The following LONP1 variants were observed in gnomAD, a reference collection of about 807,000 sequenced individuals.
LONP1 encodes lon protease homolog, mitochondrial.
Under a neutral mutation model 98.5 loss-of-function variants are expected in LONP1, and 31 were observed. The ratio of observed to expected loss-of-function variants is 0.31; its 90% CI spans 0.24 to 0.42. The LOEUF is 0.42. Among genes scored for constraint, LONP1 ranks in the 20% least tolerant of loss-of-function variants. The probability of loss-of-function intolerance (pLI) is 1.00; values close to 1 mark genes in which losing one functional copy is unlikely to be tolerated. For missense variants in LONP1, 1,336 were observed against 1,350.6 expected (o/e 0.99, Z 0.17); for synonymous variants, 781 against 594.7 (o/e 1.31, Z -4.56).
In LONP1 at chr19:5,691,976, T is replaced by TCAGTTCTGGCCCAGGCAGGGCCTGACATC; in HGVS notation, c.*55_*56insGATGTCAGGCCCTGCCTGGGCCAGAACTG. On this transcript the variant is annotated 3_prime_UTR_variant, in exon 18 of 18. Transcript: ENST00000360614. ...GGTCCGGGCGCGCTCCCCACAGCGCTCAGTTCTGGCCCAGACAGGGCCTGA... is the reference window on the plus strand; with the variant it reads ...GGTCCGGGCGCGCTCCCCACAGCGCTCAGTTCTGGCCCAGGCAGGGCCTGACATCCAGTTCTGGCCCAGACAGGGCCTGA... The TCAGTTCTGGCCCAGGCAGGGCCTGACATC allele has an allele frequency of 9.8e-6, 15 of 1,536,484 alleles. No homozygotes were observed. Among genetic ancestry groups the TCAGTTCTGGCCCAGGCAGGGCCTGACATC allele is most frequent in the Non-Finnish European group, 1.2e-5 (14 of 1,135,666 alleles).
intron 1 of LONP1, among the ~76,000 whole-genome samples, chr19:5,716,582 AAAAAAGTC>A (rs1253584057): frequency 3.3e-5 from 5 of 151,388 alleles, no homozygotes; most frequent in African/African-American, 1.2e-4. Flanking sequence ...TCCCAGAAAA[AAAAAAGTC>A]AGTAACATCT....
intron 13 of LONP1, 55 bp from the exon 14 acceptor site, chr19:5,694,956 TCTAGAAC>T: frequency 6.4e-7 from 1 of 1,557,640 alleles, no homozygotes. Context: ...ACCAGCTCAG[TCTAGAAC>T]CTGGGAGCCA....
rs998832788 is a variant in LONP1 at position 5,694,911 on chromosome 19, C to T, written c.2014-10G>A. ...GGGGCACCAGGTAGCGCTGCAAGGG[C>T]AACCGTCAGGGTTGGGTCTGGAGGG... is the stretch of plus-strand genomic sequence containing the variant. On this transcript the variant is annotated splice_polypyrimidine_tract_variant and intron_variant, in intron 13 of 17. Transcript: ENST00000360614. 8 of 1,589,270 alleles carry T rather than the reference C, an allele frequency of 5.0e-6. No individual in the cohort carries two copies. Among genetic ancestry groups the T allele is most frequent in the East Asian group, 2.3e-5 (1 of 44,132 alleles).
At chr19:5,701,442 T>C (rs1286565370) in intron 8 of LONP1, among the ~76,000 whole-genome samples, 1 of 152,188 alleles carries the variant, frequency 6.6e-6, no homozygotes, top group Non-Finnish European at 1.5e-5. Context: ...CTGGTTCTCC[T>C]GCCTGAGCCT....
Position 5,705,885 on chromosome 19 carries a change from C to T in LONP1, c.1254G>A (p.Glu418=). Reference sequence around the variant, plus strand: ...CCTTCAGGCGCTCCCGGAACTTCTCCTCGATGGCATCCTTGTCGTCCTTCT... The same window carrying T: ...CCTTCAGGCGCTCCCGGAACTTCTCTTCGATGGCATCCTTGTCGTCCTTCT... ...GLEKDDKDAI[E]EKFRERLKEL... The change falls in exon 8 of 18, where the codon GAG becomes GAA. Residue 418 remains glutamate (E), a synonymous_variant. Transcript: ENST00000360614. 1.9e-6 allele frequency: 3 copies of T among 1,614,170 alleles called. No homozygotes were observed. The highest frequency in any genetic ancestry group is 2.5e-6 in the Non-Finnish European group (3 of 1,180,024).
intron 4 of LONP1, chr19:5,708,668 G>A (rs1487298862): frequency 1.2e-5 from 5 of 417,754 alleles, no homozygotes; most frequent in African/African-American, 6.0e-5. Flanking sequence ...CTTAGGATAA[G>A]CTATCTCAGG....
chr19:5,700,765 C>T (rs767520903), intron 9 of LONP1, 24 bp downstream of exon 9: 4 of 1,613,646 alleles, frequency 2.5e-6, no homozygotes, highest in Non-Finnish European at 3.4e-6. Flanking sequence ...TGCAAATCCA[C>T]AACAGGCCAG....
At chr19:5,696,467 TGA>T in intron 11 of LONP1, 96 bp from the exon 12 acceptor site, 1 of 1,503,284 alleles carries the variant, frequency 6.7e-7, no homozygotes, top group African/African-American at 1.4e-5. Context: ...AGACCCCGAG[TGA>T]GAGCGGCACC....
intron 8 of LONP1, among the ~76,000 whole-genome samples, chr19:5,702,548 C>T (rs967320898): frequency 1.0e-4 from 15 of 150,596 alleles, no homozygotes; most frequent in African/African-American, 3.1e-4. Flanking sequence ...TCATTGAGAA[C>T]GGGCCATGAT....
chr19:5,714,607 G>A (rs1394308324), intron 1 of LONP1, among the ~76,000 whole-genome samples: 1 of 147,626 alleles, frequency 6.8e-6, no homozygotes, highest in East Asian at 2.0e-4. Flanking sequence ...ACGCAGCACA[G>A]GGTAGCTTTT....
chr19:5,709,621 T>A (rs2145618689), intron 4 of LONP1, among the ~76,000 whole-genome samples: 1 of 152,084 alleles, frequency 6.6e-6, no homozygotes, highest in South Asian at 2.1e-4. Flanking sequence ...GCTTTAAGAA[T>A]AAGTTCAGCT....
chr19:5,705,066 G>A (rs1476495222), intron 8 of LONP1, among the ~76,000 whole-genome samples: 1 of 152,150 alleles, frequency 6.6e-6, no homozygotes, highest in Non-Finnish European at 1.5e-5. Context: ...GGAAGTTGAG[G>A]CAGTAGAATC....
chr19:5,720,204 C>A, upstream of LONP1: 1 of 1,383,690 alleles, frequency 7.2e-7, no homozygotes. Context: ...TGACGCCCGG[C>A]GCGTGCCTCG....
intron 15 of LONP1, 38 bp from the exon 16 acceptor site, chr19:5,693,807 G>A (rs370809146): frequency 1.8e-5 from 29 of 1,573,288 alleles, no homozygotes; most frequent in African/African-American, 1.4e-4. Flanking sequence ...GGGAGGCCTC[G>A]GAGCCCAGGC....
intron 17 of LONP1, among the ~76,000 whole-genome samples, chr19:5,692,730 C>T (rs1443348159): frequency 6.6e-6 from 1 of 152,170 alleles, no homozygotes; most frequent in Admixed American, 6.5e-5. Flanking sequence ...TCCCAATTTG[C>T]CTCCACCATT....
chr19:5,694,955 G>C, intron 13 of LONP1, 54 bp from the exon 14 acceptor site: 1 of 1,558,748 alleles, frequency 6.4e-7, no homozygotes, highest in Non-Finnish European at 8.7e-7. Flanking sequence ...CACCAGCTCA[G>C]TCTAGAACCT....
In LONP1 at chr19:5,701,041, C is replaced by T. The variant is rs191894759; in HGVS notation, c.1368-114G>A. The T allele has an allele frequency of 3.9e-4, 459 of 1,174,064 alleles. 3 individuals carry two copies. In the African/African-American group the frequency reaches 5.7e-3, roughly 15 times the overall value. The allele number at this position is 1,174,064 out of a possible 1,614,324, so 72.7% of individuals were successfully genotyped here. On this transcript the variant is annotated intron_variant, in intron 8 of 17. Coordinates refer to ENST00000360614, the MANE Select transcript of LONP1 (RefSeq NM_004793.4). Reference sequence around the variant, plus strand: ...TGAAACCCATGTGTGGGGCTGAGCGCGGTGGCTCACGCCTGTAATCCCAGC... The same window carrying T: ...TGAAACCCATGTGTGGGGCTGAGCGTGGTGGCTCACGCCTGTAATCCCAGC...
intron 1 of LONP1, chr19:5,715,139 C>G (rs915558632): frequency 6.7e-6 from 1 of 150,336 alleles, no homozygotes; most frequent in South Asian, 2.1e-4. Flanking sequence ...TTCTTCTTAG[C>G]GGTTTCCCCA....
At chr19:5,702,982 C>T (rs2055082484) in intron 8 of LONP1, among the ~76,000 whole-genome samples, 1 of 150,132 alleles carries the variant, frequency 6.7e-6, no homozygotes, top group Non-Finnish European at 1.5e-5. Context: ...CTGCCAAATC[C>T]CCCTCTGCGA....
Sources: gnomAD v4.1 joint callset for allele counts (sites outside exome capture counted in the v4.1 genomes callset) on GRCh38, gnomAD v4.1.1 for gene constraint, MANE v1.5 for transcripts, NCBI Gene and HGNC (gene_info 2026-07-23, HGNC 2026-07-21) for gene names.